The following NIBAN2 variants were observed in gnomAD, a reference collection of about 807,000 sequenced individuals.
NIBAN2 encodes the protein niban apoptosis regulator 2.
Under a neutral mutation model 81.8 loss-of-function variants are expected in NIBAN2, and 36 were observed. That is an observed-to-expected ratio of 0.44 (90% confidence interval 0.34 to 0.58). NIBAN2 has a LOEUF of 0.58. Ranked by LOEUF, NIBAN2 falls within the 20% of genes least tolerant of loss-of-function variation. The probability of loss-of-function intolerance (pLI) is 0.02; values close to 1 mark genes in which losing one functional copy is unlikely to be tolerated. For synonymous variants in NIBAN2, 445 were observed against 441.6 expected (o/e 1.01, Z -0.10); for missense variants, 897 against 1,014.1 (o/e 0.88, Z 1.57).
chr9:127,524,521 G>A (rs1837024390), intron 4 of NIBAN2, among the ~76,000 whole-genome samples: 1 of 152,212 alleles, frequency 6.6e-6, no homozygotes, highest in Admixed American at 6.5e-5. Flanking sequence ...GGGAGGGGGG[G>A]TGACTCGCCC....
At chr9:127,541,188 G>A (rs1564310637) in intron 1 of NIBAN2, among the ~76,000 whole-genome samples, 2 of 152,202 alleles carry the variant, frequency 1.3e-5, no homozygotes, top group Non-Finnish European at 2.9e-5. Flanking sequence ...CAGAAAGGTG[G>A]TGACACTCTC....
chr9:127,557,932 G>A (rs536248278), intron 1 of NIBAN2, among the ~76,000 whole-genome samples: 4 of 152,234 alleles, frequency 2.6e-5, no homozygotes, highest in African/African-American at 7.2e-5. Flanking sequence ...GAGGAGAGAC[G>A]CCCCTTGACC....
At chr9:127,530,318 G>A (rs1166045410) in intron 2 of NIBAN2, among the ~76,000 whole-genome samples, 2 of 152,170 alleles carry the variant, frequency 1.3e-5, no homozygotes, top group African/African-American at 2.4e-5. Flanking sequence ...TCCCTCCACC[G>A]GGCGGGTTGC....
chr9:127,543,664 C>T (rs890579559), intron 1 of NIBAN2, among the ~76,000 whole-genome samples: 3 of 152,170 alleles, frequency 2.0e-5, no homozygotes, highest in South Asian at 2.1e-4. Context: ...GGGCGTCTCT[C>T]GCCTCCATTA....
intron 1 of NIBAN2, among the ~76,000 whole-genome samples, chr9:127,576,198 T>C (rs1838007086): frequency 6.6e-6 from 1 of 152,160 alleles, no homozygotes; most frequent in Non-Finnish European, 1.5e-5. Flanking sequence ...GGGACCCACC[T>C]GGTCCTTGGG....
chr9:127,509,761 C>CCCTTCCCTCTCACCTCCTCTCCTTCCCT (rs1836691655), intron 9 of NIBAN2: 1 of 121,462 alleles, frequency 8.2e-6, no homozygotes, highest in East Asian at 2.4e-4. Context: ...CTGAAGCCCG[C>CCCTTCCCTCTCACCTCCTCTCCTTCCCT]CCTTCCCTCT....
chr9:127,541,721 G>C (rs1459136220), intron 1 of NIBAN2, among the ~76,000 whole-genome samples: 1 of 152,168 alleles, frequency 6.6e-6, no homozygotes, highest in African/African-American at 2.4e-5. Context: ...GGACAGCTGA[G>C]TGTCCCCCAC....
Position 127,525,137 on chromosome 9 carries a change from T to G in NIBAN2, c.342A>C (p.Arg114=). 1 of 1,614,042 alleles carries G rather than the reference T, an allele frequency of 6.2e-7. No individual in the cohort carries two copies. The highest frequency in any genetic ancestry group is 1.1e-5 in the South Asian group (1 of 91,078). ...TGTAGCCTGCACTGTTGATGACGGC[T>G]CGTGGTGGGACCTGCCGCTCATAGG... ...KAAYERQVPP[R]AVINSAGYKI... Residue 114 remains arginine (R), a synonymous_variant, in exon 4 of 14, where the codon CGA becomes CGC. Coordinates refer to ENST00000373312, the MANE Select transcript of NIBAN2 (RefSeq NM_022833.4).
Position 127,566,200 on chromosome 9 carries a change from G to A in NIBAN2, c.55+2620C>T, listed in dbSNP as rs116283881. 8.0e-3 allele frequency among the ~76,000 whole-genome samples: 1,225 copies of A among 152,272 alleles called. 16 individuals are homozygous for A. The highest frequency in any genetic ancestry group is 0.028 in the African/African-American group (1,153 of 41,562). ...GGACCTTGAGCTGGCTTCAGTCTGG[G>A]GGAGATTTGTGGGGAAAATTTGGGA... On this transcript the variant is annotated intron_variant, in intron 1 of 13. Transcript: ENST00000373312.
rs1188912598 is a variant in NIBAN2, at chr9:127,559,168, G to C, written c.55+9652C>G. Among the ~76,000 whole-genome samples the C allele has an allele frequency of 6.6e-6, 1 of 152,188 alleles. No individual in the cohort carries two copies. Among genetic ancestry groups the C allele is most frequent in the Non-Finnish European group, 1.5e-5 (1 of 68,034 alleles). ...CAGCTTGATGGAACCTTCTTGGCTG[G>C]CATGAGTTCCATGAGATCAGGGCTC... On this transcript the variant is annotated intron_variant, in intron 1 of 13. Coordinates refer to ENST00000373312, the MANE Select transcript of NIBAN2 (RefSeq NM_022833.4). This position sits in a 1 kb window ranked among gnomAD's most constrained non-coding sequence, Gnocchi z 4.0.
intron 1 of NIBAN2, among the ~76,000 whole-genome samples, chr9:127,532,899 G>T (rs1017020677): frequency 6.6e-6 from 1 of 152,050 alleles, no homozygotes; most frequent in African/African-American, 2.4e-5. Context: ...GCCAGGTGCG[G>T]TGGTTCACAG....
intron 1 of NIBAN2, among the ~76,000 whole-genome samples, chr9:127,554,073 G>A (rs73668506): frequency 0.056 from 8,489 of 152,186 alleles, 679 homozygotes; most frequent in African/African-American, 0.17. Flanking sequence ...AACTACCACA[G>A]TCCTATCTGC....
Position 127,527,179 on chromosome 9 carries a change from G to A in NIBAN2, c.315+15C>T, listed in dbSNP as rs111683597. 1.3e-5 allele frequency: 21 copies of A among 1,611,390 alleles called. No homozygotes were observed. The highest frequency in any genetic ancestry group is 6.7e-5 in the African/African-American group (5 of 74,890). ...AGCGGGGAGGCTCAGTGTGGCGCCC[G>A]GGGCCAGGCCTCACCGCTTTGTTTT... On this transcript the variant is annotated intron_variant, in intron 3 of 13. Transcript: ENST00000373312.
At chr9:127,531,626 G>A (rs199768437) in intron 2 of NIBAN2, 22 bp downstream of exon 2, 12 of 1,608,452 alleles carry the variant, frequency 7.5e-6, no homozygotes, top group East Asian at 2.2e-5. Context: ...GAACATACCC[G>A]AGCCCTCCCA....
intron 1 of NIBAN2, among the ~76,000 whole-genome samples, chr9:127,566,910 T>G (rs1588192661): frequency 9.0e-6 from 1 of 111,118 alleles, no homozygotes; most frequent in Non-Finnish European, 1.8e-5. Flanking sequence ...CCCCCCCACA[T>G]CAGGAACTCC....
At chr9:127,562,349 G>A (rs1031862694) in intron 1 of NIBAN2, among the ~76,000 whole-genome samples, 1 of 152,194 alleles carries the variant, frequency 6.6e-6, no homozygotes, top group African/African-American at 2.4e-5. Context: ...TGCCACTGAG[G>A]TGGGAATTCA....
At chr9:127,527,596 G>A (rs893770597) in intron 2 of NIBAN2, among the ~76,000 whole-genome samples, 5 of 152,212 alleles carry the variant, frequency 3.3e-5, no homozygotes, top group African/African-American at 4.8e-5. Flanking sequence ...AGGCACTGAT[G>A]TAGGGCCTGG....
chr9:127,557,281 G>A (rs2253135), intron 1 of NIBAN2, among the ~76,000 whole-genome samples: 64,802 of 151,982 alleles, frequency 0.43, 14,437 homozygotes, highest in East Asian at 0.74. Context: ...GTCTGAAGGA[G>A]GGTGACACAT....
intron 1 of NIBAN2, among the ~76,000 whole-genome samples, chr9:127,556,606 G>A (rs1837675089): frequency 6.6e-6 from 1 of 152,212 alleles, no homozygotes; most frequent in South Asian, 2.1e-4. Flanking sequence ...ATCCAGTGGA[G>A]TAGAAGCATC....
Sources: gnomAD v4.1 joint callset for allele counts (sites outside exome capture counted in the v4.1 genomes callset) on GRCh38, gnomAD v4.1.1 for gene constraint, Gnocchi (gnomAD v3.1) non-coding constraint, MANE v1.5 for transcripts, NCBI Gene and HGNC (gene_info 2026-07-23, HGNC 2026-07-21) for gene names.